The following OPTN variants were observed in gnomAD, a reference collection of about 807,000 sequenced individuals.
OPTN encodes the protein optineurin.
OPTN carries 54 observed loss-of-function variants against 70.4 expected under a neutral mutation model. The observed-to-expected ratio is 0.77, with a 90% confidence interval of 0.62 to 0.96. The LOEUF (loss-of-function observed/expected upper bound fraction) is 0.96, where lower values mean the gene tolerates loss of function less well. OPTN is among the 40% of genes least tolerant of loss of function. The pLI, the probability that OPTN is intolerant of heterozygous loss-of-function variation, is 0.00. For synonymous variants in OPTN, 256 were observed against 248.5 expected (o/e 1.03, Z -0.28); for missense variants, 624 against 673.2 (o/e 0.93, Z 0.81).
At chr10:13,104,825 C>A in intron 1 of OPTN, 1 of 433,542 alleles carries the variant, frequency 2.3e-6, no homozygotes, top group East Asian at 5.4e-5. Flanking sequence ...CAAAAGGTGG[C>A]ATTCGAGATC....
At chr10:13,136,208 A>C (rs1833695448) in intron 14 of OPTN, among the ~76,000 whole-genome samples, 1 of 151,796 alleles carries the variant, frequency 6.6e-6, no homozygotes, top group South Asian at 2.1e-4. Flanking sequence ...AAGTAAAGAA[A>C]AGAAAAAAAT....
At chr10:13,105,096 G>A (rs779418467) in intron 1 of OPTN, among the ~76,000 whole-genome samples, 5 of 151,928 alleles carry the variant, frequency 3.3e-5, no homozygotes, top group South Asian at 2.1e-4. Context: ...CACTGCACCC[G>A]GCATCAATTA....
At chr10:13,117,326 C>T (rs1184019800) in intron 6 of OPTN, among the ~76,000 whole-genome samples, 5 of 151,718 alleles carry the variant, frequency 3.3e-5, no homozygotes, top group East Asian at 1.9e-4. Context: ...GTGATCTGCC[C>T]GCCTTGGCCT....
chr10:13,126,826 G>A (rs1833476465), intron 11 of OPTN, among the ~76,000 whole-genome samples: 1 of 152,150 alleles, frequency 6.6e-6, no homozygotes, highest in Non-Finnish European at 1.5e-5. Flanking sequence ...CCAGGAGTCT[G>A]AGACCAGCCT....
chr10:13,121,971 G>T (rs554760222), intron 7 of OPTN, among the ~76,000 whole-genome samples: 2 of 152,210 alleles, frequency 1.3e-5, no homozygotes, highest in African/African-American at 4.8e-5. Flanking sequence ...TTTTGTTGTC[G>T]TTTATTCGGT....
intron 8 of OPTN, chr10:13,123,251 G>A (rs1352626026): frequency 2.6e-5 from 4 of 152,768 alleles, no homozygotes; most frequent in Admixed American, 1.3e-4. Flanking sequence ...AGGTGCCTTC[G>A]AGTCTGCAGA....
At chr10:13,127,984 T>C in intron 12 of OPTN, 81 bp downstream of exon 12, 3 of 1,481,304 alleles carry the variant, frequency 2.0e-6, no homozygotes, top group Non-Finnish European at 2.8e-6. Flanking sequence ...GTGTTTAGAA[T>C]GTTTGTAATT....
chr10:13,110,527 T>G (rs1324782706), intron 4 of OPTN, 51 bp downstream of exon 4: 7 of 1,555,260 alleles, frequency 4.5e-6, no homozygotes, highest in Non-Finnish European at 1.8e-6. Flanking sequence ...CCCTTGACAT[T>G]TGCAGTGGAA....
rs372118360 is a variant in OPTN at position 13,123,986 on chromosome 10, G to A, written c.883-9G>A. On this transcript the variant is annotated splice_polypyrimidine_tract_variant and intron_variant, in intron 8 of 14. Coordinates refer to ENST00000378747, the MANE Select transcript of OPTN (RefSeq NM_001008212.2). ...TGTACAGATATGTTTGGGATTTCCC[G>A]TATGATAGGTTGGAAGCGAAGTGGA... 34 of 1,596,310 alleles carry A rather than the reference G, an allele frequency of 2.1e-5. No individual in the cohort carries two copies. The highest frequency in any genetic ancestry group is 6.7e-5 in the African/African-American group (5 of 74,684).
At chr10:13,124,547 T>C (rs1397728763) in intron 9 of OPTN, among the ~76,000 whole-genome samples, 1 of 152,244 alleles carries the variant, frequency 6.6e-6, no homozygotes, top group Non-Finnish European at 1.5e-5. Flanking sequence ...AACATGTAGA[T>C]TGAGCGTTTG....
intron 5 of OPTN, among the ~76,000 whole-genome samples, chr10:13,115,231 ATATATCTATATATATCTATATT>A (rs1564359506): frequency 2.5e-5 from 2 of 81,062 alleles, no homozygotes; most frequent in African/African-American, 1.2e-4. Context: ...TTATATATAG[ATATATCTATATATATCTATATT>A]TATATCTATA....
At chr10:13,109,385 C>A in intron 3 of OPTN, 97 bp downstream of exon 3, 1 of 1,261,216 alleles carries the variant, frequency 7.9e-7, no homozygotes. Flanking sequence ...CCCTTCTCCC[C>A]GTTTCCATAG....
chr10:13,109,853 A>AAT (rs1554768326), intron 3 of OPTN, among the ~76,000 whole-genome samples: 1 of 139,268 alleles, frequency 7.2e-6, no homozygotes, highest in Non-Finnish European at 1.5e-5. Flanking sequence ...AAAAAAAAAA[A>AAT]GGAAAAAGGA....
At chr10:13,134,271 C>T (rs1833653748) in intron 14 of OPTN, among the ~76,000 whole-genome samples, 1 of 152,164 alleles carries the variant, frequency 6.6e-6, no homozygotes, top group African/African-American at 2.4e-5. Context: ...CAGTCTCTTT[C>T]CAGTGACCTC....
At chr10:13,133,114 CTG>C (rs1359292663) in intron 13 of OPTN, among the ~76,000 whole-genome samples, 1 of 152,156 alleles carries the variant, frequency 6.6e-6, no homozygotes, top group Admixed American at 6.5e-5. Context: ...ATTGATTTCT[CTG>C]TGTTTAAGTT....
intron 12 of OPTN, chr10:13,131,517 G>A (rs1193237397): frequency 6.5e-6 from 1 of 153,880 alleles, no homozygotes; most frequent in Non-Finnish European, 1.4e-5. Context: ...CCAAGATTAA[G>A]AGCCGTTAAG....
chr10:13,114,696 T>C (rs897034863), intron 5 of OPTN, among the ~76,000 whole-genome samples: 9 of 141,414 alleles, frequency 6.4e-5, no homozygotes, highest in Admixed American at 3.8e-4. Flanking sequence ...ATTTATATTA[T>C]ATAATGAATA....
intron 5 of OPTN, among the ~76,000 whole-genome samples, chr10:13,114,925 CTATATTTATA>C (rs1253717223): frequency 2.8e-5 from 2 of 71,318 alleles, no homozygotes; most frequent in African/African-American, 6.4e-5. Flanking sequence ...ATAGATATAT[CTATATTTATA>C]TATATTTATA....
At chr10:13,113,437 C>T (rs1281049905) in intron 5 of OPTN, among the ~76,000 whole-genome samples, 2 of 152,176 alleles carry the variant, frequency 1.3e-5, no homozygotes, top group African/African-American at 4.8e-5. Flanking sequence ...AGGGAGTGTC[C>T]TGGCTTTTCC....
Sources: allele counts gnomAD v4.1 joint callset (sites outside exome capture counted in the v4.1 genomes callset), GRCh38; gene constraint gnomAD v4.1.1; transcripts MANE v1.5; gene names NCBI Gene and HGNC (gene_info 2026-07-23, HGNC 2026-07-21).